The following ATP10D variants were observed in gnomAD, a reference collection of about 807,000 sequenced individuals.
ATP10D encodes phospholipid-transporting ATPase VD.
In ATP10D, 89 loss-of-function variants were observed where a neutral mutation model predicts 144.8. The ratio of observed to expected loss-of-function variants is 0.61; its 90% CI spans 0.52 to 0.73. The LOEUF (loss-of-function observed/expected upper bound fraction) is 0.73. Ranked by LOEUF, ATP10D falls within the 30% of genes least tolerant of loss-of-function variation. The pLI, the probability that ATP10D is intolerant of heterozygous loss-of-function variation, is 0.00. For missense variants in ATP10D, 1,603 were observed against 1,714.8 expected, an observed-to-expected ratio of 0.93 and a Z score of 1.15; for synonymous variants, 571 against 615.1, an observed-to-expected ratio of 0.93 and a Z score of 1.06.
chr4:47,580,865 C>A (rs766437820), intron 20 of ATP10D, among the ~76,000 whole-genome samples: 1 of 152,058 alleles, frequency 6.6e-6, no homozygotes, highest in Non-Finnish European at 1.5e-5. Flanking sequence ...AGTTTGAAAC[C>A]AGCTTGCACA....
At chr4:47,496,878 A>C (rs184225182) in intron 1 of ATP10D, among the ~76,000 whole-genome samples, 4 of 152,072 alleles carry the variant, frequency 2.6e-5, no homozygotes, top group African/African-American at 4.8e-5. Flanking sequence ...GTTTCACTCT[A>C]CTGCCCAGGC....
intron 5 of ATP10D, among the ~76,000 whole-genome samples, chr4:47,531,029 C>T (rs1717540072): frequency 6.6e-6 from 1 of 151,974 alleles, no homozygotes; most frequent in South Asian, 2.1e-4. Flanking sequence ...AGTTAGGGAG[C>T]CCCTAATCTG....
chr4:47,515,402 A>G, intron 2 of ATP10D, 74 bp from the exon 3 acceptor site: 1 of 1,202,238 alleles, frequency 8.3e-7, no homozygotes, highest in Non-Finnish European at 1.2e-6. Context: ...CAGAAAAACA[A>G]TATAGTACTT....
At chr4:47,518,735 A>G (rs1716804990) in intron 3 of ATP10D, among the ~76,000 whole-genome samples, 2 of 152,226 alleles carry the variant, frequency 1.3e-5, no homozygotes, top group Admixed American at 1.3e-4. Context: ...ACACTTTACG[A>G]AACAAAAATT....
chr4:47,522,955 TTGTA>T, intron 3 of ATP10D, 53 bp from the exon 4 acceptor site: 1 of 1,369,566 alleles, frequency 7.3e-7, no homozygotes, highest in Non-Finnish European at 1.0e-6. Flanking sequence ...AAAAAAAACA[TTGTA>T]TGTATTTTTC....
At chr4:47,542,086 CCTTT>C (rs1379622293) in intron 9 of ATP10D, among the ~76,000 whole-genome samples, 2 of 135,930 alleles carry the variant, frequency 1.5e-5, no homozygotes, top group East Asian at 4.6e-4. Context: ...TTATAATAAA[CCTTT>C]GTTTCTCATA....
In ATP10D at chr4:47,572,901, T is replaced by G; in HGVS notation, c.3270T>G (p.Ser1090=). The change falls in exon 18 of 23, where the codon TCT becomes TCG. Residue 1090 remains serine, a synonymous_variant. Coordinates refer to ENST00000273859, the MANE Select transcript of ATP10D (RefSeq NM_020453.4). Reference sequence around the variant, plus strand: ...TGATGGCCAGTGACTTTGCCGTTTCTCAGTTCAAACATCTCAGCAAGCTCC... The same window carrying G: ...TGATGGCCAGTGACTTTGCCGTTTCGCAGTTCAAACATCTCAGCAAGCTCC... ...QAVMASDFAV[S]QFKHLSKLLL... 1.2e-6 allele frequency: 2 copies of G among 1,614,156 alleles called. No homozygotes were observed. The highest frequency in any genetic ancestry group is 2.2e-5 in the South Asian group (2 of 91,078).
chr4:47,566,390 G>C (rs1719639976), intron 15 of ATP10D, among the ~76,000 whole-genome samples: 1 of 151,822 alleles, frequency 6.6e-6, no homozygotes, highest in Non-Finnish European at 1.5e-5. Context: ...TTTTATTTTT[G>C]TAATTTCATT....
intron 14 of ATP10D, among the ~76,000 whole-genome samples, chr4:47,561,926 A>G (rs1719337786): frequency 6.6e-6 from 1 of 152,186 alleles, no homozygotes; most frequent in Non-Finnish European, 1.5e-5. Flanking sequence ...TCCTCTATTT[A>G]GGAGGAAAAC....
chr4:47,558,800 A>AACCAATGGG (rs1488142757), intron 12 of ATP10D, 123 bp from the exon 13 acceptor site: 13 of 748,444 alleles, frequency 1.7e-5, no homozygotes, highest in Non-Finnish European at 2.9e-5. Flanking sequence ...CCCATTTGGG[A>AACCAATGGG]TTCAAAACCA....
chr4:47,556,097 A>G (rs1376579895), intron 11 of ATP10D, among the ~76,000 whole-genome samples: 3 of 152,252 alleles, frequency 2.0e-5, no homozygotes, highest in East Asian at 1.9e-4. Flanking sequence ...CTTAGAATTC[A>G]TGGAAAATTC....
At chr4:47,565,120 G>T (rs534587670) in intron 15 of ATP10D, among the ~76,000 whole-genome samples, 1 of 152,214 alleles carries the variant, frequency 6.6e-6, no homozygotes, top group Admixed American at 6.5e-5. Context: ...CACCACGCCC[G>T]GCTAATTTTT....
At chr4:47,588,653 T>C (rs1720894751) in intron 22 of ATP10D, among the ~76,000 whole-genome samples, 1 of 152,180 alleles carries the variant, frequency 6.6e-6, no homozygotes, top group African/African-American at 2.4e-5. Flanking sequence ...GATGAATGTC[T>C]CTTCCAGAAA....
At chr4:47,500,931 C>T (rs1715650599) in intron 1 of ATP10D, among the ~76,000 whole-genome samples, 1 of 152,124 alleles carries the variant, frequency 6.6e-6, no homozygotes, top group South Asian at 2.1e-4. Flanking sequence ...TGATTGCAGG[C>T]AGTGTGAATG....
chr4:47,557,246 C>G (rs894326795), intron 11 of ATP10D, among the ~76,000 whole-genome samples: 53 of 151,616 alleles, frequency 3.5e-4, no homozygotes, highest in Non-Finnish European at 5.3e-4. Flanking sequence ...GGTTAGGATA[C>G]ACACAGATAA....
At chr4:47,581,531 T>C (rs1274730238) in intron 20 of ATP10D, among the ~76,000 whole-genome samples, 1 of 152,206 alleles carries the variant, frequency 6.6e-6, no homozygotes, top group African/African-American at 2.4e-5. Flanking sequence ...AGAATGAAGA[T>C]GATGGTGAAA....
At chr4:47,504,406 A>G (rs532858484) in intron 1 of ATP10D, among the ~76,000 whole-genome samples, 83 of 152,346 alleles carry the variant, frequency 5.4e-4, no homozygotes, top group Non-Finnish European at 9.3e-4. Flanking sequence ...GTCATGACCT[A>G]TGAGGTAAGG....
At chr4:47,561,497 C>A (rs1719299864) in intron 14 of ATP10D, among the ~76,000 whole-genome samples, 1 of 152,120 alleles carries the variant, frequency 6.6e-6, no homozygotes, top group African/African-American at 2.4e-5. Flanking sequence ...GGGCACAGAG[C>A]AGTTCAATGA....
intron 1 of ATP10D, among the ~76,000 whole-genome samples, chr4:47,490,441 T>C (rs1715011417): frequency 6.6e-6 from 1 of 152,172 alleles, no homozygotes; most frequent in Admixed American, 6.5e-5. Context: ...CTCTGAAAGG[T>C]AATTTTTACT....
Sources: gnomAD v4.1 joint callset for allele counts (sites outside exome capture counted in the v4.1 genomes callset) on GRCh38, gnomAD v4.1.1 for gene constraint, MANE v1.5 for transcripts, NCBI Gene and HGNC (gene_info 2026-07-23, HGNC 2026-07-21) for gene names.